Variants in SAMD12 observed in about 807,000 individuals in gnomAD.
The protein encoded by SAMD12 is sterile alpha motif domain-containing protein 12.
In SAMD12, 9 loss-of-function variants were observed where a neutral mutation model predicts 15.0. The ratio of observed to expected loss-of-function variants is 0.60; its 90% CI spans 0.36 to 1.05. The LOEUF is 1.05. Among genes scored for constraint, SAMD12 ranks in the 50% least tolerant of loss-of-function variants. SAMD12 has a pLI of 0.01. For missense variants in SAMD12, 230 were observed against 234.2 expected, an observed-to-expected ratio of 0.98 and a Z score of 0.12; for synonymous variants, 86 against 90.1, an observed-to-expected ratio of 0.96 and a Z score of 0.25.
chr8:118,393,949 T>C (rs923235822), intron 3 of SAMD12, among the ~76,000 whole-genome samples: 1 of 152,122 alleles, frequency 6.6e-6, no homozygotes, highest in Admixed American at 6.6e-5. Context: ...CTGTAGCACT[T>C]CAAGTGAAGT....
intron 2 of SAMD12, among the ~76,000 whole-genome samples, chr8:118,454,375 AC>A (rs1402402522): frequency 6.6e-6 from 1 of 152,014 alleles, no homozygotes; most frequent in South Asian, 2.1e-4. Flanking sequence ...GGCTTTAAGG[AC>A]CTTTTTATTC....
At chr8:118,345,246 A>G (rs1317490979) in intron 4 of SAMD12, among the ~76,000 whole-genome samples, 1 of 152,212 alleles carries the variant, frequency 6.6e-6, no homozygotes, top group African/African-American at 2.4e-5. Flanking sequence ...TTTGCAGCCT[A>G]TAGCAATAGA....
chr8:118,161,601 A>C, the SAMD12 span, among the ~76,000 whole-genome samples: 11 of 151,834 alleles, frequency 7.2e-5, no homozygotes, highest in Non-Finnish European at 1.5e-5. Context: ...AGAAATATAA[A>C]GACAAATCTT....
At chr8:118,316,920 G>A (rs938600320) in intron 4 of SAMD12, among the ~76,000 whole-genome samples, 10 of 149,818 alleles carry the variant, frequency 6.7e-5, no homozygotes, top group East Asian at 3.9e-4. Context: ...CTCCCAAAGC[G>A]CTGGGATTAC....
At chr8:118,361,271 C>T (rs971053296) in intron 4 of SAMD12, among the ~76,000 whole-genome samples, 4 of 152,236 alleles carry the variant, frequency 2.6e-5, no homozygotes. Flanking sequence ...CACTAATTTG[C>T]TCATTCAGTT....
intron 4 of SAMD12, among the ~76,000 whole-genome samples, chr8:118,199,020 C>G (rs1328151417): frequency 6.6e-6 from 1 of 152,032 alleles, no homozygotes; most frequent in Non-Finnish European, 1.5e-5. Flanking sequence ...GGTACATTAA[C>G]AAGATGGATA....
At chr8:118,611,040 C>T (rs1828097387) in intron 1 of SAMD12, among the ~76,000 whole-genome samples, 1 of 152,156 alleles carries the variant, frequency 6.6e-6, no homozygotes, top group Non-Finnish European at 1.5e-5. Context: ...TCAAGTGCCC[C>T]AGGAGAATTT....
chr8:118,573,324 G>T (rs186142192), intron 2 of SAMD12, among the ~76,000 whole-genome samples: 12 of 152,238 alleles, frequency 7.9e-5, no homozygotes, highest in Admixed American at 7.8e-4. Flanking sequence ...GACCTCAAGT[G>T]ATCTACCCAT....
downstream of SAMD12, among the ~76,000 whole-genome samples, chr8:118,184,624 T>C (rs1281131972): frequency 6.6e-6 from 1 of 152,000 alleles, no homozygotes; most frequent in Non-Finnish European, 1.5e-5. Flanking sequence ...GCCTCTGGAG[T>C]AGCTGGGATT....
chr8:118,397,975 G>T (rs1820668557), intron 3 of SAMD12, among the ~76,000 whole-genome samples: 1 of 152,102 alleles, frequency 6.6e-6, no homozygotes, highest in African/African-American at 2.4e-5. Flanking sequence ...TTTTAGTAGA[G>T]ACAGGGTTTC....
intron 4 of SAMD12, among the ~76,000 whole-genome samples, chr8:118,229,208 G>A (rs957609651): frequency 9.2e-5 from 14 of 151,618 alleles, no homozygotes; most frequent in Admixed American, 3.3e-4. Flanking sequence ...TGATGGGTGC[G>A]CCAAAATCAC....
intron 4 of SAMD12, among the ~76,000 whole-genome samples, chr8:118,325,334 C>G (rs759833353): frequency 3.0e-4 from 46 of 152,208 alleles, no homozygotes; most frequent in Non-Finnish European, 4.7e-4. Context: ...ATCCTAGAAG[C>G]AGAGTTGGGG....
intron 4 of SAMD12, among the ~76,000 whole-genome samples, chr8:118,266,294 C>T (rs1376386252): frequency 6.6e-6 from 1 of 152,166 alleles, no homozygotes; most frequent in African/African-American, 2.4e-5. Flanking sequence ...CAAACCATAT[C>T]ACACCTCATA....
At chr8:118,586,621 G>C (rs1271569766) in intron 1 of SAMD12, among the ~76,000 whole-genome samples, 1 of 152,148 alleles carries the variant, frequency 6.6e-6, no homozygotes, top group Non-Finnish European at 1.5e-5. Context: ...GGGAACACAA[G>C]CATCAGCTAC....
intron 4 of SAMD12, among the ~76,000 whole-genome samples, chr8:118,287,558 A>G (rs972161453): frequency 1.1e-4 from 17 of 152,220 alleles, no homozygotes; most frequent in Admixed American, 6.5e-5. Context: ...GAAATTCTGA[A>G]CATGGTATTC....
intron 2 of SAMD12, among the ~76,000 whole-genome samples, chr8:118,500,526 C>T (rs1824754397): frequency 1.3e-5 from 2 of 152,048 alleles, no homozygotes; most frequent in Admixed American, 6.6e-5. Context: ...GTTGTTCCTG[C>T]CAGGCGCAGT....
Position 118,337,756 on chromosome 8 carries a change from T to C in SAMD12, c.433+41804A>G, listed in dbSNP as rs1469787790. On this transcript the variant is annotated intron_variant, in intron 4 of 4. Coordinates refer to the SAMD12 transcript ENST00000409003. ...AAGTAACTCTTATTTTACTTAGTAA[T>C]TGATCCAAAGCTCAAGAGTAGTGAT... Among the ~76,000 whole-genome samples, 23 of 152,190 alleles carry C rather than the reference T, an allele frequency of 1.5e-4. 1 individual carries two copies.
chr8:118,246,095 C>A (rs903923719), intron 4 of SAMD12, among the ~76,000 whole-genome samples: 3 of 152,096 alleles, frequency 2.0e-5, no homozygotes, highest in Admixed American at 6.6e-5. Context: ...ATGTGGGTAT[C>A]AAACACTGTG....
At chr8:118,581,732 T>C (rs1827302151) in intron 1 of SAMD12, among the ~76,000 whole-genome samples, 1 of 152,206 alleles carries the variant, frequency 6.6e-6, no homozygotes, top group South Asian at 2.1e-4. Flanking sequence ...ATCCATGCAT[T>C]CCACTACATA....
Sources: allele counts gnomAD v4.1 joint callset (sites outside exome capture counted in the v4.1 genomes callset), GRCh38; gene constraint gnomAD v4.1.1; transcripts MANE v1.5; gene names NCBI Gene and HGNC (gene_info 2026-07-23, HGNC 2026-07-21).